PCDH7: variants seen among roughly 807,000 people sequenced by gnomAD.
PCDH7 encodes protocadherin-7.
In PCDH7, 17 loss-of-function variants were observed where a neutral mutation model predicts 58.9. The observed-to-expected ratio is 0.29, with a 90% CI of 0.20 to 0.43. The LOEUF (loss-of-function observed/expected upper bound fraction) is 0.43, where lower values mean the gene tolerates loss of function less well. PCDH7 is among the 20% of genes least tolerant of loss of function. The pLI is 1.00. For synonymous variants in PCDH7, 664 were observed against 616.4 expected (o/e 1.08, Z -1.14); for missense variants, 1,274 against 1,441.0 (o/e 0.88, Z 1.88).
At chr4:30,829,258 A>G (rs1011035815) in intron 1 of PCDH7, among the ~76,000 whole-genome samples, 3 of 152,126 alleles carry the variant, frequency 2.0e-5, no homozygotes, top group Admixed American at 1.3e-4. Context: ...TTCTAGATGT[A>G]TAATTGAATA....
intron 3 of PCDH7, among the ~76,000 whole-genome samples, chr4:31,044,072 G>A (rs570199746): frequency 6.6e-6 from 1 of 152,218 alleles, no homozygotes; most frequent in South Asian, 2.1e-4. Context: ...CAATCTCTTA[G>A]GGACAACTTC....
intron 1 of PCDH7, among the ~76,000 whole-genome samples, chr4:30,892,064 G>A (rs1185809931): frequency 1.3e-5 from 2 of 151,960 alleles, no homozygotes; most frequent in African/African-American, 4.8e-5. Context: ...GGAAATTTCT[G>A]TTTATGTTGC....
At chr4:31,065,860 T>G (rs549265465) in intron 3 of PCDH7, among the ~76,000 whole-genome samples, 13 of 152,044 alleles carry the variant, frequency 8.6e-5, no homozygotes, top group African/African-American at 3.1e-4. Context: ...AAAAAAAAAT[T>G]ACTTTATGTC....
chr4:30,809,436 G>A (rs1031583692), intron 1 of PCDH7, among the ~76,000 whole-genome samples: 1 of 151,960 alleles, frequency 6.6e-6, no homozygotes, highest in Non-Finnish European at 1.5e-5. Flanking sequence ...CAGTTTCTAC[G>A]GTGGTCAAAT....
Position 30,722,136 on chromosome 4 carries a change from C to A in PCDH7, c.714C>A (p.Gly238=), listed in dbSNP as rs753588901. ...AGGGCGGCGGCGGCACCAACCCCGG[C>A]GGCCGCAGCAGCGTGTTCGAGCTGC... Residue 238 remains glycine, a synonymous_variant, in exon 1 of 2, where the codon GGC becomes GGA. Coordinates refer to ENST00000361762, the Ensembl canonical transcript of PCDH7. The surrounding 1 kb of genome is among the most constrained non-coding windows in gnomAD (Gnocchi z 7.6). 1.0e-5 allele frequency: 15 copies of A among 1,445,640 alleles called. No individual in the cohort carries two copies. In the South Asian group the frequency reaches 1.7e-4, roughly 17 times the overall value. 89.6% of individuals were successfully genotyped at this position (1,445,640 alleles called of 1,614,324 possible). A position where few individuals can be genotyped will look rare whatever the true frequency, so the allele number is the denominator to read the frequency against.
chr4:31,054,076 C>A (rs1460428082), intron 3 of PCDH7, among the ~76,000 whole-genome samples: 2 of 152,084 alleles, frequency 1.3e-5, no homozygotes, highest in African/African-American at 4.8e-5. Flanking sequence ...AGCAATCCTC[C>A]CACCTCAGCC....
chr4:30,752,783 CAAA>C (rs35860745), intron 1 of PCDH7, among the ~76,000 whole-genome samples: 78 of 99,530 alleles, frequency 7.8e-4, no homozygotes, highest in Middle Eastern at 0.013. Context: ...CCTGTAGGGG[CAAA>C]AAAAAAAAAA....
intron 1 of PCDH7, among the ~76,000 whole-genome samples, chr4:30,836,083 T>A (rs1056479972): frequency 5.3e-5 from 8 of 152,216 alleles, no homozygotes; most frequent in Non-Finnish European, 1.2e-4. Context: ...CAGCTTTAAT[T>A]CACCATGTTA....
At chr4:30,845,482 G>A (rs1328968215) in intron 1 of PCDH7, among the ~76,000 whole-genome samples, 1 of 152,078 alleles carries the variant, frequency 6.6e-6, no homozygotes, top group Non-Finnish European at 1.5e-5. Context: ...ATTTGTTATG[G>A]AATTATACCA....
chr4:30,849,008 G>C (rs1394382172), intron 1 of PCDH7, among the ~76,000 whole-genome samples: 2 of 152,096 alleles, frequency 1.3e-5, no homozygotes, highest in African/African-American at 2.4e-5. Flanking sequence ...ACATGAAGAT[G>C]CTTCAATATT....
intron 2 of PCDH7, among the ~76,000 whole-genome samples, chr4:30,941,966 T>C (rs1746093038): frequency 6.6e-6 from 1 of 151,928 alleles, no homozygotes; most frequent in Non-Finnish European, 1.5e-5. Flanking sequence ...TTGAAAATAA[T>C]TTATAGAATT....
At chr4:31,092,853 A>G (rs1331003767) in intron 3 of PCDH7, among the ~76,000 whole-genome samples, 2 of 152,076 alleles carry the variant, frequency 1.3e-5, no homozygotes, top group Non-Finnish European at 2.9e-5. Flanking sequence ...TCTCATTTCT[A>G]TGACTGGATG....
At chr4:30,778,395 T>A (rs1479938453) in intron 1 of PCDH7, among the ~76,000 whole-genome samples, 1 of 152,164 alleles carries the variant, frequency 6.6e-6, no homozygotes, top group Non-Finnish European at 1.5e-5. Flanking sequence ...AAGTATAAGA[T>A]TTTCAATGCT....
chr4:30,836,559 T>A lies in PCDH7; in HGVS notation c.71-83594T>A, dbSNP rs1454323529. ...AATGCTGCCCAGGAGATTGTATATG[T>A]TGGCAAATTTTTTCATAGCAACATT... is the stretch of plus-strand genomic sequence containing the variant. On this transcript the variant is annotated intron_variant, in intron 1 of 3. Coordinates refer to the PCDH7 transcript ENST00000509759. 2.0e-5 allele frequency among the ~76,000 whole-genome samples: 3 copies of A among 152,206 alleles called. No individual in the cohort carries two copies. In the East Asian group the frequency reaches 5.8e-4, roughly 29 times the overall value.
At chr4:31,110,914 A>G (rs555086832) in intron 3 of PCDH7, among the ~76,000 whole-genome samples, 1 of 134,840 alleles carries the variant, frequency 7.4e-6, no homozygotes, top group Non-Finnish European at 1.6e-5. Context: ...GACTATGTCT[A>G]AAAAAAAAAA....
intron 1 of PCDH7, among the ~76,000 whole-genome samples, chr4:30,916,040 T>C (rs115587541): frequency 1.1e-4 from 16 of 152,326 alleles, no homozygotes; most frequent in African/African-American, 3.8e-4. Context: ...TGTGCTTTTA[T>C]GTACTGATAA....
intron 3 of PCDH7, among the ~76,000 whole-genome samples, chr4:30,998,266 G>T (rs1160404481): frequency 6.6e-6 from 1 of 152,100 alleles, no homozygotes; most frequent in Non-Finnish European, 1.5e-5. Context: ...ATGTTAAGGT[G>T]ATCATCTTGA....
chr4:30,937,080 G>A (rs1488903674), intron 2 of PCDH7, among the ~76,000 whole-genome samples: 1 of 151,990 alleles, frequency 6.6e-6, no homozygotes, highest in African/African-American at 2.4e-5. Context: ...TGATTCTGGA[G>A]TTGGTCCCAT....
chr4:30,735,662 A>AC (rs1716148724), downstream of PCDH7, among the ~76,000 whole-genome samples: 2 of 152,132 alleles, frequency 1.3e-5, no homozygotes, highest in Non-Finnish European at 2.9e-5. Flanking sequence ...AGATGGGGTA[A>AC]CCTTGGGTAG....
Sources: allele counts gnomAD v4.1 joint callset (sites outside exome capture counted in the v4.1 genomes callset), GRCh38; gene constraint gnomAD v4.1.1; non-coding constraint Gnocchi (gnomAD v3.1); transcripts MANE v1.5; gene names NCBI Gene and HGNC (gene_info 2026-07-23, HGNC 2026-07-21).